The following CCT6B variants were observed in gnomAD, a reference collection of about 807,000 sequenced individuals.
CCT6B encodes chaperonin containing TCP1 subunit 6B.
Under a neutral mutation model 61.5 loss-of-function variants are expected in CCT6B, and 49 were observed. The ratio of observed to expected loss-of-function variants is 0.80; its 90% confidence interval spans 0.63 to 1.01. The LOEUF (loss-of-function observed/expected upper bound fraction) is 1.01. CCT6B is among the 50% of genes least tolerant of loss of function. The probability of loss-of-function intolerance (pLI) is 0.00; values close to 1 mark genes in which losing one functional copy is unlikely to be tolerated. For synonymous variants in CCT6B, 228 were observed against 214.5 expected (o/e 1.06, Z -0.55); for missense variants, 666 against 634.7 (o/e 1.05, Z -0.53).
chr17:34,943,250 G>GT (rs1204835499), intron 5 of CCT6B: 1 of 165,086 alleles, frequency 6.1e-6, no homozygotes, highest in Non-Finnish European at 1.3e-5. Flanking sequence ...TTAACACAGT[G>GT]TGACTATGAA....
intron 7 of CCT6B, among the ~76,000 whole-genome samples, chr17:34,942,172 A>G (rs1372747978): frequency 6.6e-6 from 1 of 151,996 alleles, no homozygotes; most frequent in Non-Finnish European, 1.5e-5. Context: ...ACACTCTTAA[A>G]TGATACTGCC....
Position 34,931,008 on chromosome 17 carries a change from A to T in CCT6B, c.1391T>A (p.Val464Glu). The change falls in exon 12 of 14, where the codon GTA becomes GAA. Residue 464 changes from valine to glutamate, a missense_variant. Transcript: ENST00000314144. ...NAGYDPQETL[V>E]KVQAEHVESK... ...CTCGACATGCTCAGCCTGAACTTTTACTAATGTTTCCTGTGGGTCATAACC... is the reference window on the plus strand; with the variant it reads ...CTCGACATGCTCAGCCTGAACTTTTTCTAATGTTTCCTGTGGGTCATAACC... 2 of 1,604,162 alleles carry T rather than the reference A, an allele frequency of 1.2e-6. No homozygotes were observed. Among genetic ancestry groups the T allele is most frequent in the Non-Finnish European group, 1.7e-6 (2 of 1,173,466 alleles).
chr17:34,961,178 C>A (rs1293901755), intron 1 of CCT6B, 79 bp downstream of exon 1: 45 of 1,497,454 alleles, frequency 3.0e-5, no homozygotes, highest in Non-Finnish European at 3.9e-5. Context: ...CACAGCGCTA[C>A]GCGGACGCCT....
At chr17:34,947,710 G>T (rs561153080) in intron 5 of CCT6B, among the ~76,000 whole-genome samples, 4 of 152,088 alleles carry the variant, frequency 2.6e-5, no homozygotes, top group African/African-American at 4.8e-5. Flanking sequence ...GGCTGGGCGC[G>T]GTGGCTCACA....
chr17:34,939,573 G>T (rs746072264), intron 9 of CCT6B, 44 bp downstream of exon 9: 1 of 1,200,232 alleles, frequency 8.3e-7, no homozygotes. Context: ...TAAAAAAGGG[G>T]GCTTAGTATT....
Position 34,931,167 on chromosome 17 carries a change from T to C in CCT6B, c.1348-116A>G, listed in dbSNP as rs574170913. 8.2e-4 allele frequency: 230 copies of C among 282,088 alleles called. 3 individuals are homozygous for C. In the South Asian group the frequency reaches 0.014, roughly 17 times the overall value. 17.5% of individuals were successfully genotyped at this position (282,088 alleles called of 1,614,324 possible). A position where few individuals can be genotyped will look rare whatever the true frequency, so the allele number is the denominator to read the frequency against. ...AAACACATCCATAACATGGCAATCA[T>C]CTCCTTTTGAAGAATTCCACTTTTA... is the stretch of plus-strand genomic sequence containing the variant. On this transcript the variant is annotated intron_variant, in intron 11 of 13. Transcript: ENST00000314144.
In CCT6B at chr17:34,931,867, T is replaced by G. The variant is rs73989533; in HGVS notation, c.1347+500A>C. 8.1e-3 allele frequency among the ~76,000 whole-genome samples: 1,227 copies of G among 152,280 alleles called. 10 individuals carry two copies. Among genetic ancestry groups the G allele is most frequent in the African/African-American group, 0.029 (1,187 of 41,556 alleles). On this transcript the variant is annotated intron_variant, in intron 11 of 13. Transcript: ENST00000314144. Reference sequence around the variant, plus strand: ...ACAAAGGAATGGTCGCTTTCTGTCCTTAGGTTGCCACATGGAAAAATTCTG... The same window carrying G: ...ACAAAGGAATGGTCGCTTTCTGTCCGTAGGTTGCCACATGGAAAAATTCTG...
chr17:34,945,659 T>C (rs1260324854), intron 5 of CCT6B, among the ~76,000 whole-genome samples: 1 of 152,216 alleles, frequency 6.6e-6, no homozygotes, highest in Non-Finnish European at 1.5e-5. Flanking sequence ...ATCAGCCGTT[T>C]TGTGTGTATT....
rs771001368 is a variant in CCT6B, at chr17:34,939,227, G to A, written c.1169C>T (p.Ala390Val). ...NKHTLTQVKD[A>V]IRDGLRAIKN... ...GATAGCACGAAGTCCATCTCTTATGGCATCCTTGACTTGTGTGAGAGTATG... is the reference window on the plus strand; with the variant it reads ...GATAGCACGAAGTCCATCTCTTATGACATCCTTGACTTGTGTGAGAGTATG... The change falls in exon 10 of 14, where the codon GCC (alanine) becomes GTC (valine). Residue 390 changes from alanine to valine, a missense_variant. Ala to Val is a moderately conservative substitution (Grantham distance 64, BLOSUM62 0). Transcript: ENST00000314144. The A allele has an allele frequency of 6.2e-7, 1 of 1,613,708 alleles. No homozygotes were observed.
chr17:34,932,788 C>CT (rs1041172494), intron 10 of CCT6B, among the ~76,000 whole-genome samples: 2 of 151,580 alleles, frequency 1.3e-5, no homozygotes, highest in African/African-American at 4.8e-5. Flanking sequence ...TTTATAACTA[C>CT]TTTTTTTTTC....
At chr17:34,928,511 G>A (rs902428833) in intron 13 of CCT6B, among the ~76,000 whole-genome samples, 16 of 152,146 alleles carry the variant, frequency 1.1e-4, no homozygotes, top group Non-Finnish European at 2.1e-4. Flanking sequence ...GACCTTAGGT[G>A]ATTCACCCGC....
chr17:34,951,721 C>G (rs1395189525), intron 5 of CCT6B, among the ~76,000 whole-genome samples: 2 of 152,110 alleles, frequency 1.3e-5, no homozygotes, highest in South Asian at 2.1e-4. Context: ...TCTTCCCTGT[C>G]CACTATAAAA....
intron 10 of CCT6B, among the ~76,000 whole-genome samples, chr17:34,935,731 C>T (rs2090086071): frequency 6.6e-6 from 1 of 152,036 alleles, no homozygotes; most frequent in East Asian, 1.9e-4. Flanking sequence ...GTGGTGCATG[C>T]CTGTAATCCC....
intron 8 of CCT6B, 81 bp from the exon 9 acceptor site, chr17:34,939,794 G>GTCTTCTGC: frequency 3.4e-6 from 3 of 875,326 alleles, no homozygotes; most frequent in Non-Finnish European, 5.8e-6. Context: ...ATCTAATGCA[G>GTCTTCTGC]AAGACTGTAT....
intron 1 of CCT6B, among the ~76,000 whole-genome samples, chr17:34,960,649 G>T (rs2090402623): frequency 1.3e-5 from 2 of 152,160 alleles, no homozygotes; most frequent in South Asian, 4.1e-4. Flanking sequence ...GTACCTAAGT[G>T]ACTTATTTTA....
In CCT6B at chr17:34,954,614, T is replaced by C. The variant is rs368158016; in HGVS notation, c.337-15A>G. 1.3e-5 allele frequency: 21 copies of C among 1,572,218 alleles called. No individual in the cohort carries two copies. Among genetic ancestry groups the C allele is most frequent in the Admixed American group, 2.0e-5 (1 of 49,240 alleles). ...GGGTGCAGGCCCTGTTACATCAACATAAAATTATAAATTATAAAATAAGTC... is the reference window on the plus strand; with the variant it reads ...GGGTGCAGGCCCTGTTACATCAACACAAAATTATAAATTATAAAATAAGTC... On this transcript the variant is annotated splice_polypyrimidine_tract_variant and intron_variant, in intron 3 of 13. Coordinates refer to ENST00000314144, the MANE Select transcript of CCT6B (RefSeq NM_006584.4).
chr17:34,928,698 T>C (rs2089997033), intron 13 of CCT6B, among the ~76,000 whole-genome samples: 1 of 152,258 alleles, frequency 6.6e-6, no homozygotes, highest in South Asian at 2.1e-4. Flanking sequence ...GCATGTGCTA[T>C]TATTTCAGTA....
chr17:34,933,075 C>A (rs1028028090), intron 10 of CCT6B, among the ~76,000 whole-genome samples: 4 of 152,212 alleles, frequency 2.6e-5, no homozygotes, highest in Non-Finnish European at 1.5e-5. Context: ...AGCCACCACA[C>A]CCGGCCTTAT....
chr17:34,954,039 CATT>C (rs2142176359), intron 4 of CCT6B, among the ~76,000 whole-genome samples: 1 of 152,240 alleles, frequency 6.6e-6, no homozygotes, highest in Non-Finnish European at 1.5e-5. Context: ...TATCACATTT[CATT>C]ATATTGGTAA....
Sources: gnomAD v4.1 joint callset for allele counts (sites outside exome capture counted in the v4.1 genomes callset) on GRCh38, gnomAD v4.1.1 for gene constraint, MANE v1.5 for transcripts, NCBI Gene and HGNC (gene_info 2026-07-23, HGNC 2026-07-21) for gene names.